ZMAT4: variants seen among roughly 807,000 people sequenced by gnomAD.
ZMAT4 encodes the protein zinc finger matrin-type 4.
A neutral mutation model predicts 28.7 loss-of-function variants in ZMAT4; 17 were observed. The ratio of observed to expected loss-of-function variants is 0.59; its 90% CI spans 0.41 to 0.89. The LOEUF is 0.89. ZMAT4 is among the 40% of genes least tolerant of loss of function. The pLI is 0.00. For synonymous variants in ZMAT4, 117 were observed against 109.2 expected (o/e 1.07, Z -0.44); for missense variants, 240 against 283.8 (o/e 0.85, Z 1.11).
chr8:40,603,687 G>T (rs1805479423), intron 5 of ZMAT4, among the ~76,000 whole-genome samples: 1 of 152,128 alleles, frequency 6.6e-6, no homozygotes, highest in Non-Finnish European at 1.5e-5. Context: ...GGAGTGCAGT[G>T]GTGCAATCTT....
intron 2 of ZMAT4, among the ~76,000 whole-genome samples, chr8:40,789,341 A>G (rs1163525129): frequency 1.3e-5 from 2 of 152,208 alleles, no homozygotes; most frequent in African/African-American, 4.8e-5. Context: ...AAACGTGTCT[A>G]CTGTCACCCT....
intron 4 of ZMAT4, among the ~76,000 whole-genome samples, chr8:40,693,912 T>C (rs976905233): frequency 6.6e-6 from 1 of 152,152 alleles, no homozygotes; most frequent in Non-Finnish European, 1.5e-5. Context: ...TCAGACGAAG[T>C]AGCTGGCAGA....
At chr8:40,849,970 C>T (rs139574502) in intron 1 of ZMAT4, among the ~76,000 whole-genome samples, 32 of 152,206 alleles carry the variant, frequency 2.1e-4, no homozygotes, top group East Asian at 3.9e-4. Flanking sequence ...AACCTGGGAT[C>T]GCTCCTCATC....
At chr8:40,755,160 A>C (rs1246994119) in intron 3 of ZMAT4, among the ~76,000 whole-genome samples, 1 of 152,246 alleles carries the variant, frequency 6.6e-6, no homozygotes, top group Non-Finnish European at 1.5e-5. Flanking sequence ...CAACAATGCA[A>C]ATGGAAACTC....
intron 6 of ZMAT4, among the ~76,000 whole-genome samples, chr8:40,548,994 C>T (rs979890041): frequency 6.6e-6 from 1 of 152,118 alleles, no homozygotes; most frequent in African/African-American, 2.4e-5. Context: ...TATGTTGAAA[C>T]GTAATCCCCA....
At chr8:40,579,883 C>T (rs990098318) in intron 6 of ZMAT4, among the ~76,000 whole-genome samples, 1 of 152,068 alleles carries the variant, frequency 6.6e-6, no homozygotes, top group African/African-American at 2.4e-5. Context: ...TAAAGCTTGC[C>T]CTGGATTGCT....
At chr8:40,854,997 G>A (rs1323504792) in intron 1 of ZMAT4, among the ~76,000 whole-genome samples, 2 of 152,122 alleles carry the variant, frequency 1.3e-5, no homozygotes, top group Non-Finnish European at 1.5e-5. Context: ...TCCAAGGACA[G>A]GTAGGGCATT....
chr8:40,656,147 A>C (rs1041701076), intron 5 of ZMAT4, among the ~76,000 whole-genome samples: 1 of 152,122 alleles, frequency 6.6e-6, no homozygotes, highest in Non-Finnish European at 1.5e-5. Flanking sequence ...AAGGATATGA[A>C]TAGGTATTTC....
chr8:40,742,436 T>C (rs1201904062), intron 3 of ZMAT4, among the ~76,000 whole-genome samples: 1 of 151,508 alleles, frequency 6.6e-6, no homozygotes, highest in African/African-American at 2.4e-5. Context: ...TAAAGAAATC[T>C]GAAAGGATCA....
At chr8:40,839,759 G>A (rs532827619) in intron 1 of ZMAT4, among the ~76,000 whole-genome samples, 3 of 152,294 alleles carry the variant, frequency 2.0e-5, no homozygotes, top group South Asian at 4.2e-4. Context: ...GCTAAAAAAT[G>A]TATAACACAT....
At chr8:40,580,274 A>G (rs1399676854) in intron 6 of ZMAT4, among the ~76,000 whole-genome samples, 1 of 151,848 alleles carries the variant, frequency 6.6e-6, no homozygotes, top group African/African-American at 2.4e-5. Context: ...AGCCTCCCAA[A>G]ATGCTGGGAC....
At chr8:40,616,213 C>T (rs1231064364) in intron 5 of ZMAT4, among the ~76,000 whole-genome samples, 17 of 152,094 alleles carry the variant, frequency 1.1e-4, no homozygotes, top group African/African-American at 3.9e-4. Context: ...GTTAGAATGG[C>T]GATCATTAAA....
At chr8:40,712,567 CA>C (rs563460392) in intron 3 of ZMAT4, among the ~76,000 whole-genome samples, 256 of 152,350 alleles carry the variant, frequency 1.7e-3, no homozygotes, top group African/African-American at 5.7e-3. Flanking sequence ...ACTTAGCAGT[CA>C]GGGTGGGGAA....
intron 5 of ZMAT4, among the ~76,000 whole-genome samples, chr8:40,617,685 A>C (rs1004570738): frequency 6.6e-6 from 1 of 152,234 alleles, no homozygotes; most frequent in Non-Finnish European, 1.5e-5. Flanking sequence ...AGCATAGAGC[A>C]TGAAATGCAG....
intron 5 of ZMAT4, among the ~76,000 whole-genome samples, chr8:40,603,952 C>T (rs1805491950): frequency 6.6e-6 from 1 of 152,060 alleles, no homozygotes; most frequent in African/African-American, 2.4e-5. Context: ...AGGTCTATTT[C>T]TAAGTATTTT....
chr8:40,650,402 A>G (rs1397438252), intron 5 of ZMAT4, among the ~76,000 whole-genome samples: 1 of 113,948 alleles, frequency 8.8e-6, no homozygotes, highest in African/African-American at 3.0e-5. Context: ...TGAATAGACC[A>G]ATAACAGGAT....
chr8:40,673,552 T>C (rs1435734545), intron 5 of ZMAT4, among the ~76,000 whole-genome samples: 3 of 152,188 alleles, frequency 2.0e-5, no homozygotes, highest in African/African-American at 4.8e-5. Flanking sequence ...AAATCTGAAG[T>C]ATAGTATCAA....
chr8:40,765,581 C>T (rs548021557), intron 3 of ZMAT4, among the ~76,000 whole-genome samples: 20 of 152,158 alleles, frequency 1.3e-4, no homozygotes, highest in Admixed American at 2.0e-4. Flanking sequence ...AAGGTTTCCA[C>T]GGGGACTTTG....
At chr8:40,855,130 A>C (rs1817251037) in intron 1 of ZMAT4, among the ~76,000 whole-genome samples, 1 of 152,198 alleles carries the variant, frequency 6.6e-6, no homozygotes, top group Admixed American at 6.5e-5. Context: ...TGTTCATTTC[A>C]AATGACACTA....
Sources: allele counts gnomAD v4.1 joint callset (sites outside exome capture counted in the v4.1 genomes callset), GRCh38; gene constraint gnomAD v4.1.1; transcripts MANE v1.5; gene names NCBI Gene and HGNC (gene_info 2026-07-23, HGNC 2026-07-21).